The following NEGR1 variants were observed in gnomAD, a reference collection of about 807,000 sequenced individuals.
NEGR1 encodes IgLON family member 4.
Under a neutral mutation model 40.9 loss-of-function variants are expected in NEGR1, and 10 were observed. The ratio of observed to expected loss-of-function variants is 0.24; its 90% CI spans 0.15 to 0.42. NEGR1 has a LOEUF of 0.42. Among genes scored for constraint, NEGR1 ranks in the 10% least tolerant of loss-of-function variants. The probability of loss-of-function intolerance (pLI) is 1.00; values close to 1 mark genes in which losing one functional copy is unlikely to be tolerated. For missense variants in NEGR1, 352 were observed against 438.9 expected, an observed-to-expected ratio of 0.80 and a Z score of 1.77; for synonymous variants, 185 against 166.8, an observed-to-expected ratio of 1.11 and a Z score of -0.84.
chr1:71,575,979 C>T (rs887420304), intron 6 of NEGR1, among the ~76,000 whole-genome samples: 4 of 152,048 alleles, frequency 2.6e-5, no homozygotes, highest in African/African-American at 9.7e-5. Flanking sequence ...GTTCTGTGTC[C>T]CCAGTCTGCA....
chr1:72,090,502 A>G (rs2100543303), intron 1 of NEGR1, among the ~76,000 whole-genome samples: 1 of 152,170 alleles, frequency 6.6e-6, no homozygotes, highest in Non-Finnish European at 1.5e-5. Context: ...TAACCCACAT[A>G]TTGACAGAAA....
intron 4 of NEGR1, among the ~76,000 whole-genome samples, chr1:71,664,148 AC>A (rs1188042890): frequency 1.3e-5 from 2 of 152,088 alleles, no homozygotes; most frequent in African/African-American, 4.8e-5. Context: ...GCAGTTTCAA[AC>A]CCTACTCCTT....
intron 6 of NEGR1, among the ~76,000 whole-genome samples, chr1:71,433,860 T>A (rs575848941): frequency 6.6e-6 from 1 of 152,362 alleles, no homozygotes; most frequent in East Asian, 1.9e-4. Flanking sequence ...TAAACTGGTA[T>A]TTCTCTATGT....
chr1:71,802,216 GA>G (rs1035091834), intron 2 of NEGR1, among the ~76,000 whole-genome samples: 2 of 151,828 alleles, frequency 1.3e-5, no homozygotes, highest in Non-Finnish European at 2.9e-5. Flanking sequence ...ATTATTAACA[GA>G]AAAAAACCAG....
intron 2 of NEGR1, among the ~76,000 whole-genome samples, chr1:71,793,852 ATAATT>A (rs771910025): frequency 9.9e-5 from 15 of 152,278 alleles, no homozygotes; most frequent in African/African-American, 3.4e-4. Context: ...TAAAAATACT[ATAATT>A]TATAACAAAA....
At chr1:72,228,154 G>A (rs991713756) in intron 1 of NEGR1, among the ~76,000 whole-genome samples, 1 of 152,080 alleles carries the variant, frequency 6.6e-6, no homozygotes, top group Non-Finnish European at 1.5e-5. Flanking sequence ...TTGCCACAGG[G>A]TGCCCAGATA....
At chr1:72,072,335 T>G (rs558768644) in intron 1 of NEGR1, among the ~76,000 whole-genome samples, 1 of 152,274 alleles carries the variant, frequency 6.6e-6, no homozygotes, top group South Asian at 2.1e-4. Context: ...ACTGAATTTC[T>G]AATACCTAGT....
rs554084116 is a variant in NEGR1 at position 71,615,861 on chromosome 1, T to C, written c.668-4715A>G. On this transcript the variant is annotated intron_variant, in intron 4 of 6. Transcript: ENST00000357731. Reference sequence around the variant, plus strand: ...CGGCAGAATAACTACGAGGCTGTTGTAGTAATCCTTAGGATAATGAGAAAG... The same window carrying C: ...CGGCAGAATAACTACGAGGCTGTTGCAGTAATCCTTAGGATAATGAGAAAG... Among the ~76,000 whole-genome samples the C allele has an allele frequency of 4.2e-4, 64 of 152,320 alleles. No individual in the cohort carries two copies. In the South Asian group the frequency reaches 5.4e-3, roughly 13 times the overall value.
intron 4 of NEGR1, among the ~76,000 whole-genome samples, chr1:71,672,405 T>C: frequency 6.6e-6 from 1 of 152,210 alleles, no homozygotes; most frequent in East Asian, 1.9e-4. Context: ...GATTATCTAT[T>C]GTATTCCAAA....
At chr1:71,965,316 A>C (rs572038829) in intron 1 of NEGR1, among the ~76,000 whole-genome samples, 1 of 152,252 alleles carries the variant, frequency 6.6e-6, no homozygotes, top group East Asian at 1.9e-4. Context: ...TAAACAAGAC[A>C]CTGCATGTCT....
intron 3 of NEGR1, among the ~76,000 whole-genome samples, chr1:71,735,101 T>A (rs1165877101): frequency 3.3e-5 from 5 of 152,126 alleles, no homozygotes; most frequent in Non-Finnish European, 5.9e-5. Context: ...AGTTACCAGT[T>A]ACATCAACAT....
intron 1 of NEGR1, among the ~76,000 whole-genome samples, chr1:72,154,729 T>C (rs1651296425): frequency 6.6e-6 from 1 of 152,188 alleles, no homozygotes; most frequent in South Asian, 2.1e-4. Flanking sequence ...TAGGTTAATA[T>C]TCTTTACACA....
chr1:71,520,753 G>A (rs1438928719), intron 6 of NEGR1, among the ~76,000 whole-genome samples: 2 of 151,912 alleles, frequency 1.3e-5, no homozygotes, highest in Admixed American at 6.6e-5. Context: ...ACTAACTATA[G>A]CTCCTATTTA....
chr1:71,480,238 C>G (rs1386052936), intron 6 of NEGR1, among the ~76,000 whole-genome samples: 1 of 151,836 alleles, frequency 6.6e-6, no homozygotes, highest in African/African-American at 2.4e-5. Flanking sequence ...TCAAAACAAT[C>G]CTGTGAATCT....
intron 3 of NEGR1, among the ~76,000 whole-genome samples, chr1:71,760,722 G>GCAGA (rs1315236099): frequency 6.6e-6 from 1 of 152,046 alleles, no homozygotes; most frequent in Non-Finnish European, 1.5e-5. Context: ...ACATCAAAGA[G>GCAGA]CAGAGTGTAG....
chr1:72,040,361 T>C (rs1385918), intron 1 of NEGR1, among the ~76,000 whole-genome samples: 2 of 151,424 alleles, frequency 1.3e-5, no homozygotes, highest in Non-Finnish European at 2.9e-5. Context: ...TCACATAGAA[T>C]GAACCATTCT....
At chr1:71,756,756 A>G (rs530557519) in intron 3 of NEGR1, among the ~76,000 whole-genome samples, 2 of 152,128 alleles carry the variant, frequency 1.3e-5, no homozygotes, top group East Asian at 1.9e-4. Flanking sequence ...ATGATGATGC[A>G]TGGGTGTAAT....
At chr1:72,203,937 C>G (rs184834067) in intron 1 of NEGR1, among the ~76,000 whole-genome samples, 1 of 152,132 alleles carries the variant, frequency 6.6e-6, no homozygotes, top group Non-Finnish European at 1.5e-5. Context: ...AAGTTGTGAG[C>G]TTTTTCTAGA....
intron 1 of NEGR1, among the ~76,000 whole-genome samples, chr1:72,192,083 T>G (rs1652839470): frequency 6.6e-6 from 1 of 151,886 alleles, no homozygotes; most frequent in South Asian, 2.1e-4. Context: ...ACATTTTATT[T>G]AAATGGGTGA....
Sources: allele counts gnomAD v4.1 joint callset (sites outside exome capture counted in the v4.1 genomes callset), GRCh38; gene constraint gnomAD v4.1.1; transcripts MANE v1.5; gene names NCBI Gene and HGNC (gene_info 2026-07-23, HGNC 2026-07-21).